PTPRN2: variants seen among roughly 807,000 people sequenced by gnomAD.
The protein encoded by PTPRN2 is protein tyrosine phosphatase receptor type N2.
PTPRN2 carries 74 observed loss-of-function variants against 118.8 expected under a neutral mutation model. The observed-to-expected ratio is 0.62, with a 90% CI of 0.52 to 0.76. The LOEUF is 0.76. PTPRN2 is among the 30% of genes least tolerant of loss of function. PTPRN2 has a pLI of 0.00. For synonymous variants in PTPRN2, 641 were observed against 608.0 expected, an observed-to-expected ratio of 1.05 and a Z score of -0.80; for missense variants, 1,481 against 1,394.4, an observed-to-expected ratio of 1.06 and a Z score of -0.99.
At chr7:158,120,480 A>T (rs1817069339) in intron 9 of PTPRN2, among the ~76,000 whole-genome samples, 1 of 151,898 alleles carries the variant, frequency 6.6e-6, no homozygotes, top group Admixed American at 6.6e-5. Context: ...TCAGCAGAAC[A>T]CTCCTTGTGG....
intron 11 of PTPRN2, among the ~76,000 whole-genome samples, chr7:158,005,995 T>C (rs1435591762): frequency 1.3e-5 from 2 of 152,254 alleles, no homozygotes; most frequent in Admixed American, 6.5e-5. Context: ...GGAATGCTCA[T>C]GTCAAATCTG....
At chr7:158,439,883 A>G (rs1816858422) in intron 2 of PTPRN2, among the ~76,000 whole-genome samples, 1 of 152,234 alleles carries the variant, frequency 6.6e-6, no homozygotes, top group Non-Finnish European at 1.5e-5. Context: ...TAATTTTGCA[A>G]CGTGGAAATA....
chr7:158,071,747 C>CGTGGTGGTGG (rs750140096), intron 11 of PTPRN2, among the ~76,000 whole-genome samples: 12 of 74,852 alleles, frequency 1.6e-4, no homozygotes, highest in African/African-American at 9.4e-4. Context: ...TGGAGGTGCT[C>CGTGGTGGTGG]ATGGTGGAGG....
At position 157,587,235 on chromosome 7, in the gene PTPRN2, CAGACAGCG is replaced by C. The variant is rs561496687; in HGVS notation, c.2496+7995_2496+8002del. On this transcript the variant is annotated intron_variant, in intron 17 of 22. Coordinates refer to ENST00000389418, the MANE Select transcript of PTPRN2 (RefSeq NM_002847.5). The surrounding 1 kb of genome is among the most constrained non-coding windows in gnomAD (Gnocchi z 5.3). ...GAGACAAGACACACAGGCAGACAGG[CAGACAGCG>C]AGACAGGCAGACAGACAGGCAGACA... Among the ~76,000 whole-genome samples the C allele has an allele frequency of 2.6e-3, 395 of 151,242 alleles. 3 individuals carry two copies. The highest frequency in any genetic ancestry group is 9.2e-3 in the African/African-American group (375 of 40,930).
chr7:158,439,296 C>G (rs138743082), intron 2 of PTPRN2, among the ~76,000 whole-genome samples: 1 of 152,240 alleles, frequency 6.6e-6, no homozygotes, highest in African/African-American at 2.4e-5. Flanking sequence ...AGGCACAAGT[C>G]TCAGGACTTC....
intron 12 of PTPRN2, among the ~76,000 whole-genome samples, chr7:157,896,291 G>A (rs1405370824): frequency 1.3e-5 from 2 of 152,134 alleles, no homozygotes; most frequent in Non-Finnish European, 2.9e-5. Flanking sequence ...ATCCAAGCAG[G>A]GAGTGCCTGG....
chr7:157,952,826 T>G (rs2128802659), intron 11 of PTPRN2, among the ~76,000 whole-genome samples: 2 of 152,012 alleles, frequency 1.3e-5, no homozygotes, highest in South Asian at 4.2e-4. Flanking sequence ...CTGAACACAC[T>G]TGCTTGCTTT....
intron 9 of PTPRN2, among the ~76,000 whole-genome samples, chr7:158,126,085 C>T (rs4909095): frequency 0.13 from 15,476 of 115,492 alleles, 44 homozygotes; most frequent in East Asian, 0.23. Flanking sequence ...ACTTCCTCTC[C>T]GCCACACCAG....
chr7:157,549,281 G>A (rs184169813), intron 21 of PTPRN2, among the ~76,000 whole-genome samples: 30 of 151,390 alleles, frequency 2.0e-4, no homozygotes, highest in East Asian at 9.7e-4. Context: ...GGCCGTCACC[G>A]TCAGAAACCA....
Position 158,110,893 on chromosome 7 carries a change from T to A in PTPRN2, c.1579A>T (p.Arg527Trp), listed in dbSNP as rs1185318051. The A allele has an allele frequency of 5.7e-6, 9 of 1,577,524 alleles. No individual in the cohort carries two copies. The highest frequency in any genetic ancestry group is 7.7e-6 in the Non-Finnish European group (9 of 1,162,114). Reference sequence around the variant, plus strand: ...CGGGCGACGTCCTCCACCAGCCGCCTTCCTTCCTCGGGGCGCAGGGGGCTG... The same window carrying A: ...CGGGCGACGTCCTCCACCAGCCGCCATCCTTCCTCGGGGCGCAGGGGGCTG... ...DRDPLRPEEG[R>W]RLVEDVARLL... is the part of the protein sequence containing the mutation. The change falls in exon 10 of 23, where the codon AGG (arginine) becomes TGG (tryptophan). Residue 527 changes from arginine to tryptophan, a missense_variant. Arg to Trp is a moderately radical substitution (Grantham distance 101, BLOSUM62 -3). Transcript: ENST00000389418.
chr7:157,977,911 T>C lies in PTPRN2; in HGVS notation c.1724-79174A>G, dbSNP rs1367799738. On this transcript the variant is annotated intron_variant, in intron 11 of 22. Transcript: ENST00000389418. The surrounding 1 kb of genome is among the most constrained non-coding windows in gnomAD (Gnocchi z 4.6). ...GGAGGGAAGGAGGTCAGCTTCCCGA[T>C]GTGTCTGTGGGCCGGCAGGACTCAC... 4.6e-5 allele frequency among the ~76,000 whole-genome samples: 7 copies of C among 151,752 alleles called. No homozygotes were observed. Among genetic ancestry groups the C allele is most frequent in the Non-Finnish European group, 1.0e-4 (7 of 67,868 alleles).
chr7:158,086,913 T>G (rs1247944739), intron 10 of PTPRN2, among the ~76,000 whole-genome samples: 1 of 152,198 alleles, frequency 6.6e-6, no homozygotes, highest in Non-Finnish European at 1.5e-5. Context: ...TTTTTCAATT[T>G]TATACTGTAG....
In PTPRN2 at chr7:157,953,421, C is replaced by G. The variant is rs550928553; in HGVS notation, c.1724-54684G>C. Among the ~76,000 whole-genome samples, 694 of 152,254 alleles carry G rather than the reference C, an allele frequency of 4.6e-3. 4 individuals carry two copies. Among genetic ancestry groups the G allele is most frequent in the Non-Finnish European group, 7.3e-3 (498 of 68,014 alleles). On this transcript the variant is annotated intron_variant, in intron 11 of 22. Coordinates refer to ENST00000389418, the MANE Select transcript of PTPRN2 (RefSeq NM_002847.5). This position sits in a 1 kb window ranked among gnomAD's most constrained non-coding sequence, Gnocchi z 4.6. ...ACTCCCCGGGCACAGAGGGAACGGC[C>G]TGGGTGGCATGGAGAGTGTCCTCCC...
intron 11 of PTPRN2, among the ~76,000 whole-genome samples, chr7:157,972,956 C>G (rs1802455241): frequency 1.3e-5 from 2 of 151,856 alleles, no homozygotes; most frequent in South Asian, 4.2e-4. Context: ...ACCACGAGAG[C>G]AGGCTTCAGA....
chr7:158,119,702 T>A (rs1816999112), intron 9 of PTPRN2, among the ~76,000 whole-genome samples: 1 of 152,214 alleles, frequency 6.6e-6, no homozygotes, highest in African/African-American at 2.4e-5. Flanking sequence ...CTACTGTTGT[T>A]AATCTCATAC....
At chr7:158,371,987 A>G (rs1810032899) in intron 2 of PTPRN2, among the ~76,000 whole-genome samples, 1 of 152,196 alleles carries the variant, frequency 6.6e-6, no homozygotes, top group African/African-American at 2.4e-5. Context: ...TCTGTGAGTC[A>G]CGCCACAGAC....
chr7:158,116,772 C>T (rs1376162357), intron 9 of PTPRN2, among the ~76,000 whole-genome samples: 2 of 152,052 alleles, frequency 1.3e-5, no homozygotes, highest in Admixed American at 1.3e-4. Flanking sequence ...CTTTTGGGAG[C>T]CAGAAATTAA....
intron 1 of PTPRN2, among the ~76,000 whole-genome samples, chr7:158,523,762 G>A (rs370576250): frequency 1.9e-4 from 10 of 53,520 alleles, no homozygotes; most frequent in Non-Finnish European, 2.5e-4. Flanking sequence ...GAGTGGAGTC[G>A]TCTACCCTGG....
intron 6 of PTPRN2, among the ~76,000 whole-genome samples, chr7:158,143,835 A>G (rs1332813459): frequency 6.6e-6 from 1 of 152,168 alleles, no homozygotes; most frequent in Non-Finnish European, 1.5e-5. Context: ...GACTCTCCAC[A>G]CACTAGCTTG....
Sources: allele counts gnomAD v4.1 joint callset (sites outside exome capture counted in the v4.1 genomes callset), GRCh38; gene constraint gnomAD v4.1.1; non-coding constraint Gnocchi (gnomAD v3.1); transcripts MANE v1.5; gene names NCBI Gene and HGNC (gene_info 2026-07-23, HGNC 2026-07-21).